Variants in TENM2 observed in about 807,000 individuals in gnomAD.
The protein encoded by TENM2 is teneurin transmembrane protein 2, also known as teneurin-2.
In TENM2, 52 loss-of-function variants were observed where a neutral mutation model predicts 245.2. The ratio of observed to expected loss-of-function variants is 0.21; its 90% CI spans 0.17 to 0.27. The LOEUF is 0.27. TENM2 is among the 10% of genes least tolerant of loss of function. The pLI is 1.00. For synonymous variants in TENM2, 1,363 were observed against 1,438.9 expected (o/e 0.95, Z 1.19); for missense variants, 3,046 against 3,666.8 (o/e 0.83, Z 4.37).
chr5:167,315,062 T>C (rs1756277359), intron 1 of TENM2, among the ~76,000 whole-genome samples: 1 of 152,078 alleles, frequency 6.6e-6, no homozygotes, highest in African/African-American at 2.4e-5. Flanking sequence ...TCCCTTCCAC[T>C]TTTTACTATA....
At chr5:167,375,316 C>T in exon 2 of TENM2, 2 of 1,551,596 alleles carry the variant, frequency 1.3e-6, no homozygotes, top group Non-Finnish European at 1.7e-6. Flanking sequence ...GGTCTGACGC[C>T]GACTCCGACA....
intron 2 of TENM2, among the ~76,000 whole-genome samples, chr5:167,664,056 A>G (rs541650980): frequency 1.3e-5 from 2 of 152,220 alleles, no homozygotes; most frequent in South Asian, 2.1e-4. Flanking sequence ...ATTTGAGCGG[A>G]GAGTGAAGTT....
intron 2 of TENM2, among the ~76,000 whole-genome samples, chr5:167,394,762 AT>A (rs890591982): frequency 6.6e-5 from 10 of 150,856 alleles, no homozygotes; most frequent in Middle Eastern, 3.4e-3. Context: ...TGCCCAGCTA[AT>A]TTTTTTTTCT....
chr5:167,474,609 G>T (rs1291183846), intron 2 of TENM2, among the ~76,000 whole-genome samples: 2 of 151,940 alleles, frequency 1.3e-5, no homozygotes, highest in East Asian at 3.9e-4. Context: ...TGCCTCATGG[G>T]TTCAGGGAAT....
intron 12 of TENM2, among the ~76,000 whole-genome samples, chr5:168,157,747 G>A (rs1317322111): frequency 6.6e-6 from 1 of 152,106 alleles, no homozygotes; most frequent in Non-Finnish European, 1.5e-5. Context: ...GGGGAGGAAA[G>A]GTAAAGAGTC....
chr5:167,111,051 A>G, the TENM2 span, among the ~76,000 whole-genome samples: 1 of 152,208 alleles, frequency 6.6e-6, no homozygotes, highest in Non-Finnish European at 1.5e-5. Context: ...GATGCAAAGA[A>G]ATAAAGAATT....
the TENM2 span, among the ~76,000 whole-genome samples, chr5:167,140,485 G>T: frequency 2.4e-4 from 36 of 151,918 alleles, no homozygotes; most frequent in African/African-American, 8.7e-4. Context: ...AATACCTGCC[G>T]CTCACAACCA....
intron 2 of TENM2, among the ~76,000 whole-genome samples, chr5:167,850,602 A>T (rs148478731): frequency 1.7e-3 from 257 of 152,334 alleles, no homozygotes; most frequent in African/African-American, 5.8e-3. Flanking sequence ...TACCCCAGAG[A>T]TGATGTAGCC....
At chr5:167,314,614 C>T (rs979940656) in intron 1 of TENM2, among the ~76,000 whole-genome samples, 3 of 152,014 alleles carry the variant, frequency 2.0e-5, no homozygotes, top group Non-Finnish European at 2.9e-5. Flanking sequence ...TTAAAGATAT[C>T]GTGACAAATT....
At chr5:168,012,774 G>GAAAAAAAAAAA (rs3056563) in intron 5 of TENM2, among the ~76,000 whole-genome samples, 1 of 74,280 alleles carries the variant, frequency 1.3e-5, no homozygotes, top group African/African-American at 5.1e-5. Flanking sequence ...AAGAACAACT[G>GAAAAAAAAAAA]AAAAAAAAAA....
intron 2 of TENM2, among the ~76,000 whole-genome samples, chr5:167,744,973 G>A (rs1761457565): frequency 6.6e-6 from 1 of 152,076 alleles, no homozygotes; most frequent in South Asian, 2.1e-4. Context: ...GTATCTTTTT[G>A]TCTCCATGTG....
intron 12 of TENM2, among the ~76,000 whole-genome samples, chr5:168,148,913 A>G (rs915066805): frequency 3.5e-5 from 4 of 115,926 alleles, no homozygotes; most frequent in Non-Finnish European, 5.6e-5. Context: ...ATAGATAGAT[A>G]GATAGATTGA....
At chr5:167,308,492 T>G (rs1755812308) in intron 1 of TENM2, among the ~76,000 whole-genome samples, 1 of 152,220 alleles carries the variant, frequency 6.6e-6, no homozygotes, top group South Asian at 2.1e-4. Flanking sequence ...AATCGTCTTG[T>G]GCTCAGACAT....
At chr5:167,501,162 CCTT>C (rs1769188025) in intron 2 of TENM2, among the ~76,000 whole-genome samples, 1 of 152,122 alleles carries the variant, frequency 6.6e-6, no homozygotes, top group Non-Finnish European at 1.5e-5. Flanking sequence ...TCAAGATTCT[CCTT>C]CTACCTGAAC....
At chr5:168,260,180 C>G in intron 27 of TENM2, 103 bp from the exon 30 acceptor site, 1 of 1,293,942 alleles carries the variant, frequency 7.7e-7, no homozygotes, top group East Asian at 2.3e-5. Flanking sequence ...CCCTTTGGGC[C>G]CTACACCCAA....
chr5:167,334,928 T>A (rs563185866), intron 1 of TENM2, among the ~76,000 whole-genome samples: 2 of 152,332 alleles, frequency 1.3e-5, no homozygotes, highest in Admixed American at 1.3e-4. Context: ...TAACTCAAAT[T>A]TCATAGCAAG....
intron 12 of TENM2, among the ~76,000 whole-genome samples, chr5:168,154,195 A>G (rs1023422806): frequency 6.8e-6 from 1 of 146,798 alleles, no homozygotes; most frequent in Non-Finnish European, 1.5e-5. Flanking sequence ...TCAAAACACC[A>G]AAAAGTAAGA....
At chr5:167,053,422 T>G in the TENM2 span, among the ~76,000 whole-genome samples, 4 of 152,142 alleles carry the variant, frequency 2.6e-5, no homozygotes, top group Non-Finnish European at 5.9e-5. Context: ...AGATTCACTG[T>G]TGGAGCAGAT....
At chr5:167,293,910 C>G (rs987294794) in intron 1 of TENM2, among the ~76,000 whole-genome samples, 2 of 151,742 alleles carry the variant, frequency 1.3e-5, no homozygotes, top group Non-Finnish European at 2.9e-5. Context: ...CTGTGTGGAC[C>G]ATGATACCAT....
Sources: allele counts gnomAD v4.1 joint callset (sites outside exome capture counted in the v4.1 genomes callset), GRCh38; gene constraint gnomAD v4.1.1; transcripts MANE v1.5; gene names NCBI Gene and HGNC (gene_info 2026-07-23, HGNC 2026-07-21).